AGMO: variants seen among roughly 807,000 people sequenced by gnomAD.
The protein encoded by AGMO is alkylglycerol monooxygenase.
Under a neutral mutation model 60.2 loss-of-function variants are expected in AGMO, and 75 were observed. The observed-to-expected ratio is 1.25, with a 90% CI of 1.03 to 1.51. AGMO has a LOEUF of 1.51. Ranked by LOEUF, AGMO falls within the 40% of genes most tolerant of loss-of-function variation. The pLI, the probability that AGMO is intolerant of heterozygous loss-of-function variation, is 0.00. For synonymous variants in AGMO, 261 were observed against 177.1 expected (o/e 1.47, Z -3.76); for missense variants, 763 against 525.5 (o/e 1.45, Z -4.42).
At chr7:15,199,486 C>G (rs749613693), downstream of AGMO, among the ~76,000 whole-genome samples, 15 of 152,116 alleles carry the variant, frequency 9.9e-5, no homozygotes, top group Non-Finnish European at 1.8e-4. Context: ...ATTTATGTAT[C>G]ATTCCTTGGG....
intron 12 of AGMO, among the ~76,000 whole-genome samples, chr7:15,223,840 T>C (rs1289514709): frequency 1.3e-5 from 2 of 152,028 alleles, no homozygotes; most frequent in African/African-American, 4.8e-5. Context: ...ATACAATTAA[T>C]TAATCCTTGA....
chr7:15,347,239 C>T (rs1192380148), intron 12 of AGMO, among the ~76,000 whole-genome samples: 1 of 152,014 alleles, frequency 6.6e-6, no homozygotes, highest in East Asian at 1.9e-4. Flanking sequence ...GATTAAAGGA[C>T]CTAGATCTAT....
Position 15,384,287 on chromosome 7 carries a change from T to C in AGMO, c.1074+1159A>G, listed in dbSNP as rs149333026. On this transcript the variant is annotated intron_variant, in intron 10 of 12. Coordinates refer to ENST00000342526, the MANE Select transcript of AGMO (RefSeq NM_001004320.2). Reference sequence around the variant, plus strand: ...CTAGTTTAAGCTGCTATGTAAGCCATTGAGTGTTGCATGCTAGTTATATTT... The same window carrying C: ...CTAGTTTAAGCTGCTATGTAAGCCACTGAGTGTTGCATGCTAGTTATATTT... 2.6e-3 allele frequency among the ~76,000 whole-genome samples: 392 copies of C among 152,266 alleles called. 1 individual carries two copies. The highest frequency in any genetic ancestry group is 3.8e-3 in the Non-Finnish European group (259 of 68,016).
rs1201442334 is a variant in AGMO at position 15,204,280 on chromosome 7, T to G, written c.1264-2921A>C. On this transcript the variant is annotated intron_variant, in intron 12 of 12. Coordinates refer to ENST00000342526, the MANE Select transcript of AGMO (RefSeq NM_001004320.2). ...TACCGTAGTCACTCCATTTAAAATT[T>G]TCCTTGTCCAACTGTTCTCTTGATT... Among the ~76,000 whole-genome samples, 4 of 152,156 alleles carry G rather than the reference T, an allele frequency of 2.6e-5. No individual in the cohort carries two copies. The South Asian group carries it at 6.2e-4, about 24-fold the overall frequency.
intron 12 of AGMO, among the ~76,000 whole-genome samples, chr7:15,272,050 T>G (rs952069176): frequency 6.6e-6 from 1 of 152,178 alleles, no homozygotes; most frequent in Non-Finnish European, 1.5e-5. Context: ...ATGAATTATC[T>G]TTTTGATGTG....
intron 10 of AGMO, among the ~76,000 whole-genome samples, chr7:15,376,903 T>C (rs1404529088): frequency 1.3e-5 from 2 of 152,184 alleles, no homozygotes; most frequent in African/African-American, 4.8e-5. Context: ...GAAAGGAATG[T>C]GTCTCTTACA....
the AGMO span, among the ~76,000 whole-genome samples, chr7:15,160,827 T>C: frequency 3.3e-5 from 5 of 152,170 alleles, no homozygotes; most frequent in Non-Finnish European, 5.9e-5. Context: ...CTTAATGCAC[T>C]CTGTGCTGCT....
At chr7:15,208,581 T>A (rs1781497720) in intron 12 of AGMO, among the ~76,000 whole-genome samples, 1 of 152,314 alleles carries the variant, frequency 6.6e-6, no homozygotes, top group East Asian at 1.9e-4. Context: ...GACTCTCTGC[T>A]GAGATTTTTT....
Position 15,435,962 on chromosome 7 carries a change from C to T in AGMO, c.410-4854G>A, listed in dbSNP as rs1781387648. On this transcript the variant is annotated intron_variant, in intron 3 of 12. Transcript: ENST00000342526. ...TAAAGACAAGTCTACAAGAAATTTT[C>T]ACAGACATATAAGATAGCCATTTAA... Among the ~76,000 whole-genome samples the T allele has an allele frequency of 2.6e-5, 4 of 152,216 alleles. No individual in the cohort carries two copies. The South Asian group carries it at 8.3e-4, about 32-fold the overall frequency.
intron 3 of AGMO, among the ~76,000 whole-genome samples, chr7:15,453,429 A>G (rs1583568234): frequency 6.6e-6 from 1 of 152,204 alleles, no homozygotes. Flanking sequence ...AGTGTAGTGG[A>G]GAAAGCAGAC....
rs186783145 is a variant in AGMO, at chr7:15,274,247, T to C, written c.1264-72888A>G. 2.0e-4 allele frequency among the ~76,000 whole-genome samples: 30 copies of C among 152,296 alleles called. No individual in the cohort carries two copies. The East Asian group carries it at 3.1e-3, about 16-fold the overall frequency. ...CAGTTTTTGCCCATTCAGTATGATATTGGCTGTGGATTTGTCATAAATAGC... is the reference window on the plus strand; with the variant it reads ...CAGTTTTTGCCCATTCAGTATGATACTGGCTGTGGATTTGTCATAAATAGC... On this transcript the variant is annotated intron_variant, in intron 12 of 12. Coordinates refer to ENST00000342526, the MANE Select transcript of AGMO (RefSeq NM_001004320.2).
chr7:15,374,754 G>A (rs770101858), intron 10 of AGMO, among the ~76,000 whole-genome samples: 9 of 152,192 alleles, frequency 5.9e-5, no homozygotes, highest in South Asian at 4.1e-4. Context: ...GGGACCCAGA[G>A]GAGCTTGGTG....
chr7:15,122,613 C>T, the AGMO span, among the ~76,000 whole-genome samples: 1 of 152,114 alleles, frequency 6.6e-6, no homozygotes, highest in East Asian at 1.9e-4. Context: ...ACGTCACTCA[C>T]ATTTCTACCC....
At chr7:15,536,551 A>C (rs1366489268) in intron 3 of AGMO, among the ~76,000 whole-genome samples, 1 of 151,858 alleles carries the variant, frequency 6.6e-6, no homozygotes, top group Non-Finnish European at 1.5e-5. Flanking sequence ...TATTATTGTA[A>C]TTAGTTGTTG....
Position 15,387,507 on chromosome 7 carries a change from A to G in AGMO, c.856T>C (p.Trp286Arg). The G allele has an allele frequency of 1.2e-6, 2 of 1,613,884 alleles. No individual in the cohort carries two copies. The highest frequency in any genetic ancestry group is 1.7e-6 in the Non-Finnish European group (2 of 1,179,834). ...TTATTGAAGAATCCAGGTGTGGCCC[A>G]GAATGTAGTCCATATGGAAAATAAG... The part of the protein sequence containing the change: ...HHLFSIWTTF[W>R]ATPGFFNKFS... The change falls in exon 9 of 13, where the codon TGG (tryptophan) becomes CGG (arginine). Residue 286 changes from tryptophan (W) to arginine (R), a missense_variant. Coordinates refer to ENST00000342526, the MANE Select transcript of AGMO (RefSeq NM_001004320.2).
chr7:15,463,406 A>G (rs1230671438), intron 3 of AGMO, among the ~76,000 whole-genome samples: 5 of 152,210 alleles, frequency 3.3e-5, no homozygotes, highest in Admixed American at 2.6e-4. Flanking sequence ...GGAAAAGGCC[A>G]GAGATTTTTC....
chr7:15,463,620 T>A (rs1318899756), intron 3 of AGMO, among the ~76,000 whole-genome samples: 2 of 152,178 alleles, frequency 1.3e-5, no homozygotes, highest in African/African-American at 4.8e-5. Context: ...AGGGTCCCCT[T>A]CCTCAAGAAG....
the AGMO span, among the ~76,000 whole-genome samples, chr7:15,121,692 A>G: frequency 6.6e-6 from 1 of 152,292 alleles, no homozygotes; most frequent in East Asian, 1.9e-4. Flanking sequence ...GGAAGGCTAC[A>G]GTAACCAAAA....
intron 12 of AGMO, among the ~76,000 whole-genome samples, chr7:15,215,905 C>T (rs933637791): frequency 4.6e-5 from 7 of 152,044 alleles, no homozygotes; most frequent in Non-Finnish European, 1.0e-4. Context: ...TGAGCACTGA[C>T]GTATTACATC....
Sources: allele counts gnomAD v4.1 joint callset (sites outside exome capture counted in the v4.1 genomes callset), GRCh38; gene constraint gnomAD v4.1.1; transcripts MANE v1.5; gene names NCBI Gene and HGNC (gene_info 2026-07-23, HGNC 2026-07-21).